The following NFXL1 variants were observed in gnomAD, a reference collection of about 807,000 sequenced individuals.
NFXL1 encodes nuclear transcription factor, X-box binding like 1, also known as NF-X1-type zinc finger protein NFXL1.
NFXL1 carries 66 observed loss-of-function variants against 123.3 expected under a neutral mutation model. The ratio of observed to expected loss-of-function variants is 0.54; its 90% CI spans 0.44 to 0.66. The LOEUF (loss-of-function observed/expected upper bound fraction) is 0.66. Among genes scored for constraint, NFXL1 ranks in the 30% least tolerant of loss-of-function variants. The probability of loss-of-function intolerance (pLI) is 0.00; values close to 1 mark genes in which losing one functional copy is unlikely to be tolerated. For synonymous variants in NFXL1, 346 were observed against 360.8 expected (o/e 0.96, Z 0.46); for missense variants, 944 against 1,125.6 (o/e 0.84, Z 2.31).
chr4:47,874,675 A>G (rs1205172932), intron 18 of NFXL1, among the ~76,000 whole-genome samples: 1 of 149,762 alleles, frequency 6.7e-6, no homozygotes, highest in Non-Finnish European at 1.5e-5. Context: ...CTGTTGGAAA[A>G]AGGGCATCAA....
At chr4:47,872,470 A>G (rs1447435798) in intron 18 of NFXL1, among the ~76,000 whole-genome samples, 2 of 151,500 alleles carry the variant, frequency 1.3e-5, no homozygotes, top group Admixed American at 1.3e-4. Flanking sequence ...TCAAAAAAAA[A>G]AAAAAAAGAA....
chr4:47,848,628 G>A (rs946745508), intron 22 of NFXL1, among the ~76,000 whole-genome samples: 93 of 152,118 alleles, frequency 6.1e-4, no homozygotes, highest in African/African-American at 1.8e-3. Context: ...GGTGGCTCAC[G>A]CCTGTAATCC....
Position 47,847,956 on chromosome 4 carries a change from G to C in NFXL1, c.*207C>G. 3.7e-6 allele frequency: 1 copy of C among 268,646 alleles called. No individual in the cohort carries two copies. Among genetic ancestry groups the C allele is most frequent in the Non-Finnish European group, 6.0e-6 (1 of 165,854 alleles). 16.6% of individuals were successfully genotyped at this position (268,646 alleles called of 1,614,324 possible). A position where few individuals can be genotyped will look rare whatever the true frequency, so the allele number is the denominator to read the frequency against. ...TATGAAATATTTTAGTTTCAGTCAT[G>C]CCTTCACTTTAAAACAGTATTATAC... is the stretch of plus-strand genomic sequence containing the variant. On this transcript the variant is annotated 3_prime_UTR_variant, in exon 23 of 23. Coordinates refer to ENST00000507489, the MANE Select transcript of NFXL1 (RefSeq NM_001278624.2).
chr4:47,901,674 T>A (rs752422261), intron 5 of NFXL1, among the ~76,000 whole-genome samples: 11 of 152,046 alleles, frequency 7.2e-5, no homozygotes, highest in Non-Finnish European at 1.3e-4. Context: ...ATAACTCAGG[T>A]GGAAGAATAG....
At chr4:47,874,972 A>G (rs1735657475) in intron 18 of NFXL1, among the ~76,000 whole-genome samples, 155 bp downstream of exon 18, 1 of 152,220 alleles carries the variant, frequency 6.6e-6, no homozygotes, top group Non-Finnish European at 1.5e-5. Flanking sequence ...GTACCCAGAA[A>G]GTGTAGTATT....
intron 2 of NFXL1, among the ~76,000 whole-genome samples, chr4:47,911,522 C>A (rs1356831755): frequency 2.0e-5 from 3 of 152,224 alleles, no homozygotes; most frequent in Non-Finnish European, 4.4e-5. Context: ...ACTCACTATG[C>A]ACCCACTATA....
chr4:47,879,488 G>C (rs1236907741), intron 15 of NFXL1, among the ~76,000 whole-genome samples: 1 of 152,062 alleles, frequency 6.6e-6, no homozygotes, highest in Admixed American at 6.6e-5. Flanking sequence ...AAATTATTAA[G>C]ATGTAGTTTA....
At chr4:47,873,753 G>C (rs1347984379) in intron 18 of NFXL1, among the ~76,000 whole-genome samples, 2 of 152,196 alleles carry the variant, frequency 1.3e-5, no homozygotes, top group Non-Finnish European at 1.5e-5. Context: ...TAACAAGAGA[G>C]TTTGCCTGTC....
At chr4:47,894,374 A>C in intron 10 of NFXL1, 72 bp from the exon 11 acceptor site, 3 of 1,140,940 alleles carry the variant, frequency 2.6e-6, no homozygotes, top group Non-Finnish European at 2.4e-6. Context: ...CAACTTCTAC[A>C]ATTATTAAAA....
chr4:47,904,730 T>C (rs1312965937), intron 4 of NFXL1, among the ~76,000 whole-genome samples: 1 of 152,206 alleles, frequency 6.6e-6, no homozygotes, highest in Non-Finnish European at 1.5e-5. Context: ...TTTACACATA[T>C]ATATCTTTAT....
In NFXL1 at chr4:47,900,344, C is replaced by G. The variant is rs533447754; in HGVS notation, c.648-796G>C. 3.3e-5 allele frequency among the ~76,000 whole-genome samples: 5 copies of G among 152,068 alleles called. No individual in the cohort carries two copies. The East Asian group carries it at 9.7e-4, about 29-fold the overall frequency. On this transcript the variant is annotated intron_variant, in intron 5 of 22. Coordinates refer to ENST00000507489, the MANE Select transcript of NFXL1 (RefSeq NM_001278624.2). ...CGTGCCTCAGTGTCCCAAGTAGCTGCGAATACAGGTGCACGCCACCACGTC... is the reference window on the plus strand; with the variant it reads ...CGTGCCTCAGTGTCCCAAGTAGCTGGGAATACAGGTGCACGCCACCACGTC...
Position 47,914,214 on chromosome 4 carries a change from G to GAT in NFXL1, c.-2-10_-2-9insAT. On this transcript the variant is annotated splice_polypyrimidine_tract_variant and intron_variant, in intron 1 of 22. Coordinates refer to ENST00000507489, the MANE Select transcript of NFXL1 (RefSeq NM_001278624.2). ...CCAGGAAGCTTCCATCCCTGCAAAG[G>GAT]AGAAAAAAAAAAAAAAGAGTGGAAG... 1 of 1,413,116 alleles carries GAT rather than the reference G, an allele frequency of 7.1e-7. No homozygotes were observed. Among genetic ancestry groups the GAT allele is most frequent in the African/African-American group, 1.5e-5 (1 of 67,464 alleles). 87.5% of individuals were successfully genotyped at this position (1,413,116 alleles called of 1,614,324 possible).
At chr4:47,887,653 A>T (rs950231840) in intron 12 of NFXL1, among the ~76,000 whole-genome samples, 5 of 152,176 alleles carry the variant, frequency 3.3e-5, no homozygotes, top group African/African-American at 1.2e-4. Flanking sequence ...TCGGCATATT[A>T]TATCTGTTTC....
intron 18 of NFXL1, among the ~76,000 whole-genome samples, chr4:47,868,819 G>A (rs1358321767): frequency 1.3e-5 from 2 of 152,192 alleles, no homozygotes; most frequent in Non-Finnish European, 2.9e-5. Flanking sequence ...ATGTAACAAA[G>A]GATACCTTTC....
intron 18 of NFXL1, among the ~76,000 whole-genome samples, chr4:47,873,024 T>G (rs1292511903): frequency 6.6e-6 from 1 of 152,234 alleles, no homozygotes; most frequent in Non-Finnish European, 1.5e-5. Flanking sequence ...CCTAATCCTT[T>G]GCTGTCATTT....
chr4:47,881,080 T>C (rs1281620908), intron 15 of NFXL1, among the ~76,000 whole-genome samples: 2 of 151,996 alleles, frequency 1.3e-5, no homozygotes, highest in Non-Finnish European at 2.9e-5. Flanking sequence ...TTGTTAACTA[T>C]AGATAACAAT....
rs528799957 is a variant in NFXL1 at position 47,879,468 on chromosome 4, T to G, written c.1917-351A>C. On this transcript the variant is annotated intron_variant, in intron 15 of 22. Coordinates refer to ENST00000507489, the MANE Select transcript of NFXL1 (RefSeq NM_001278624.2). ...AAGCAATATTCCATGTTCACAGTTATGAAGGCTCAAAATTATTAAGATGTA... is the reference window on the plus strand; with the variant it reads ...AAGCAATATTCCATGTTCACAGTTAGGAAGGCTCAAAATTATTAAGATGTA... Among the ~76,000 whole-genome samples, 6 of 152,312 alleles carry G rather than the reference T, an allele frequency of 3.9e-5. No individual in the cohort carries two copies. In the South Asian group the frequency reaches 1.0e-3, roughly 26 times the overall value.
rs1735893712 is a variant in NFXL1, at chr4:47,878,600, C to A, written c.2004G>T (p.Leu668Phe). The A allele has an allele frequency of 6.2e-7, 1 of 1,607,390 alleles. No homozygotes were observed. Among genetic ancestry groups the A allele is most frequent in the Non-Finnish European group, 8.5e-7 (1 of 1,176,502 alleles). ...YSCKRVCGRI[L>F]DCQNHTCMKE... ...TCATACATGTGTGATTCTGACAATC[C>A]AAGATTCTTCCACAAACTCTTTTAC... The change falls in exon 17 of 23, where the codon TTG (leucine) becomes TTT (phenylalanine). Residue 668 changes from leucine to phenylalanine, a missense_variant. This residue lies in a region of NFXL1 where 301 missense variants were observed against 348.0 expected (regional missense o/e 0.86). Transcript: ENST00000507489.
chr4:47,849,118 A>T (rs1295540421), intron 22 of NFXL1, among the ~76,000 whole-genome samples: 2 of 152,164 alleles, frequency 1.3e-5, no homozygotes, highest in African/African-American at 4.8e-5. Context: ...CTTTTAAGAA[A>T]GAAATTCAAG....
Sources: gnomAD v4.1 joint callset for allele counts (sites outside exome capture counted in the v4.1 genomes callset) on GRCh38, gnomAD v4.1.1 for gene constraint, gnomAD v4.1.1 regional missense constraint, MANE v1.5 for transcripts, NCBI Gene and HGNC (gene_info 2026-07-23, HGNC 2026-07-21) for gene names.